The following ZEB2 variants were observed in gnomAD, a reference collection of about 807,000 sequenced individuals.
The protein encoded by ZEB2 is zinc finger E-box binding homeobox 2.
A neutral mutation model predicts 99.9 loss-of-function variants in ZEB2; 6 were observed. The ratio of observed to expected loss-of-function variants is 0.06; its 90% confidence interval spans 0.03 to 0.12. The LOEUF (loss-of-function observed/expected upper bound fraction) is 0.12. ZEB2 is among the 10% of genes least tolerant of loss of function. The probability of loss-of-function intolerance (pLI) is 1.00; values close to 1 mark genes in which losing one functional copy is unlikely to be tolerated. For missense variants in ZEB2, 969 were observed against 1,502.8 expected, an observed-to-expected ratio of 0.64 and a Z score of 5.87; for synonymous variants, 517 against 542.5, an observed-to-expected ratio of 0.95 and a Z score of 0.65.
intron 2 of ZEB2, among the ~76,000 whole-genome samples, chr2:144,431,839 G>T (rs1479479121): frequency 2.9e-5 from 4 of 140,148 alleles, no homozygotes; most frequent in African/African-American, 1.0e-4. Context: ...GTAGGGGGGA[G>T]TGGGAATGGG....
rs80035095 is a variant in ZEB2 at position 144,468,676 on chromosome 2, A to T, written c.74-38650T>A. ...ATGTTTGCGTGTATTACAGTACAAC[A>T]GGGGGTGAGGACAGAAGGGCAAAGA... On this transcript the variant is annotated intron_variant, in intron 2 of 9. Transcript: ENST00000627532. Among the ~76,000 whole-genome samples, 4 of 8,290 alleles carry T rather than the reference A, an allele frequency of 4.8e-4. No individual in the cohort carries two copies. The East Asian group carries it at 0.01, about 22-fold the overall frequency. 5.4% of individuals were successfully genotyped at this position (8,290 alleles called of 152,430 possible).
chr2:144,517,774 G>A, intron 1 of ZEB2: 3 of 684,580 alleles, frequency 4.4e-6, no homozygotes, highest in Non-Finnish European at 5.3e-6. Context: ...CTCAGCCCCC[G>A]GCTCGGGAAC....
chr2:144,408,339 T>C (rs1703414435), intron 4 of ZEB2, among the ~76,000 whole-genome samples: 1 of 152,200 alleles, frequency 6.6e-6, no homozygotes, highest in East Asian at 1.9e-4. Context: ...GCAGCTGAGC[T>C]AGGAACTTAG....
chr2:144,411,867 A>T (rs923231024), intron 4 of ZEB2, among the ~76,000 whole-genome samples: 1 of 152,206 alleles, frequency 6.6e-6, no homozygotes, highest in Non-Finnish European at 1.5e-5. Flanking sequence ...ACAGCAGGAG[A>T]TCTTACATTA....
At chr2:144,513,167 G>T in intron 2 of ZEB2, 2 of 1,286,068 alleles carry the variant, frequency 1.6e-6, no homozygotes, top group Non-Finnish European at 2.0e-6. Flanking sequence ...TCTCTGAAAC[G>T]GGAGCAACTT....
In ZEB2 at chr2:144,457,091, C is replaced by T. The variant is rs181156372; in HGVS notation, c.74-27065G>A. Among the ~76,000 whole-genome samples the T allele has an allele frequency of 9.8e-4, 149 of 152,262 alleles. 2 individuals are homozygous for T. In the South Asian group the frequency reaches 0.013, roughly 14 times the overall value. ...TTTAGTCCCTATAGACTTTCTATAA[C>T]GTCTACGTTTCCAGAATCTCATGTG... On this transcript the variant is annotated intron_variant, in intron 2 of 9. Transcript: ENST00000627532.
intron 9 of ZEB2, among the ~76,000 whole-genome samples, chr2:144,391,818 G>A (rs1047358334): frequency 2.6e-4 from 40 of 152,200 alleles, no homozygotes; most frequent in Middle Eastern, 3.2e-3. Context: ...AGTGTTAAAT[G>A]AATATGATTA....
rs372224804 is a variant in ZEB2, at chr2:144,398,541, T to C, written c.2646A>G (p.Pro882=). ...SNNLDNKSTN[P]VFSMNPFSAK... The stretch of plus-strand genomic sequence containing the variant: ...CACTAAATGGGTTCATGCTGAACAC[T>C]GGGTTAGTGCTTTTGTTGTCCAGAT... Residue 882 remains proline (P), a synonymous_variant, in exon 8 of 10, where the codon CCA becomes CCG. Transcript: ENST00000627532. 9.3e-6 allele frequency: 15 copies of C among 1,614,036 alleles called. No homozygotes were observed. The African/African-American group carries it at 1.2e-4, about 13-fold the overall frequency.
intron 2 of ZEB2, among the ~76,000 whole-genome samples, chr2:144,435,661 C>T (rs1052208783): frequency 1.3e-5 from 2 of 151,354 alleles, no homozygotes; most frequent in Non-Finnish European, 2.9e-5. Flanking sequence ...TCCTAAATCT[C>T]TTATGCTTAC....
chr2:144,477,454 A>G (rs1465901549), intron 2 of ZEB2, among the ~76,000 whole-genome samples: 5 of 152,204 alleles, frequency 3.3e-5, no homozygotes, highest in Non-Finnish European at 5.9e-5. Flanking sequence ...CTCTGCCAGT[A>G]TAACTCCAAC....
chr2:144,488,677 G>A (rs1272578291), intron 2 of ZEB2, among the ~76,000 whole-genome samples: 1 of 147,814 alleles, frequency 6.8e-6, no homozygotes, highest in Non-Finnish European at 1.5e-5. Context: ...GTGAGTGTGT[G>A]TGTGTGTGTG....
At chr2:144,499,533 C>A (rs139564658) in intron 2 of ZEB2, among the ~76,000 whole-genome samples, 1 of 152,094 alleles carries the variant, frequency 6.6e-6, no homozygotes, top group Non-Finnish European at 1.5e-5. Context: ...TTTCTGTAAA[C>A]GCTTTTTCTA....
chr2:144,439,349 G>C (rs1035821), intron 2 of ZEB2, among the ~76,000 whole-genome samples: 1 of 152,322 alleles, frequency 6.6e-6, no homozygotes, highest in Non-Finnish European at 1.5e-5. Context: ...AAAAGGGGTA[G>C]AAAAGATCTT....
At chr2:144,448,221 A>G (rs1704010682) in intron 2 of ZEB2, among the ~76,000 whole-genome samples, 1 of 152,152 alleles carries the variant, frequency 6.6e-6, no homozygotes, top group Non-Finnish European at 1.5e-5. Context: ...AAGTTGGATA[A>G]AGGGCAATGC....
chr2:144,451,515 G>C (rs532698398), intron 2 of ZEB2, among the ~76,000 whole-genome samples: 29 of 152,244 alleles, frequency 1.9e-4, no homozygotes, highest in African/African-American at 7.0e-4. Flanking sequence ...GAAATGATTT[G>C]AAGGTGTACT....
At chr2:144,428,619 A>G (rs968477455) in intron 3 of ZEB2, 1 of 152,164 alleles carries the variant, frequency 6.6e-6, no homozygotes, top group South Asian at 2.1e-4. Flanking sequence ...AAAACGAAAA[A>G]CAAATACACT....
At chr2:144,408,639 G>A (rs1703417661) in intron 4 of ZEB2, among the ~76,000 whole-genome samples, 1 of 152,200 alleles carries the variant, frequency 6.6e-6, no homozygotes, top group Non-Finnish European at 1.5e-5. Flanking sequence ...TCCATGAGGT[G>A]CAATAGGTGC....
chr2:144,511,723 A>T (rs960447212), intron 2 of ZEB2: 2 of 1,286,416 alleles, frequency 1.6e-6, no homozygotes, highest in African/African-American at 1.5e-5. Context: ...AATAATGAGG[A>T]GGTGCCTGGA....
intron 2 of ZEB2, among the ~76,000 whole-genome samples, chr2:144,447,440 G>A (rs1254685636): frequency 6.6e-6 from 1 of 151,936 alleles, no homozygotes; most frequent in Non-Finnish European, 1.5e-5. Context: ...TTTTGTTGAG[G>A]GCCTACAAAT....
Sources: allele counts gnomAD v4.1 joint callset (sites outside exome capture counted in the v4.1 genomes callset), GRCh38; gene constraint gnomAD v4.1.1; transcripts MANE v1.5; gene names NCBI Gene and HGNC (gene_info 2026-07-23, HGNC 2026-07-21).